AK4: variants seen among roughly 807,000 people sequenced by gnomAD.
AK4 encodes adenylate kinase 4, mitochondrial.
AK4 carries 13 observed loss-of-function variants against 24.6 expected under a neutral mutation model. That is an observed-to-expected ratio of 0.53 (90% CI 0.34 to 0.84). The LOEUF (loss-of-function observed/expected upper bound fraction) is 0.84. Among genes scored for constraint, AK4 ranks in the 40% least tolerant of loss-of-function variants. AK4 has a pLI of 0.01. For missense variants in AK4, 192 were observed against 288.2 expected, an observed-to-expected ratio of 0.67 and a Z score of 2.42; for synonymous variants, 88 against 107.0, an observed-to-expected ratio of 0.82 and a Z score of 1.10.
chr1:65,161,072 G>A lies in AK4; in HGVS notation c.145+12520G>A, dbSNP rs553498216. 1.4e-4 allele frequency among the ~76,000 whole-genome samples: 22 copies of A among 152,100 alleles called. No individual in the cohort carries two copies. In the South Asian group the frequency reaches 4.2e-3, roughly 29 times the overall value. Reference sequence around the variant, plus strand: ...GGTAGGATAGAGGGATGTACTTTTTGTTGTTGTTGTTCTGTCCCTAAAACA... The same window carrying A: ...GGTAGGATAGAGGGATGTACTTTTTATTGTTGTTGTTCTGTCCCTAAAACA... On this transcript the variant is annotated intron_variant, in intron 1 of 4. Coordinates refer to ENST00000327299, the MANE Select transcript of AK4 (RefSeq NM_013410.4).
intron 2 of AK4, among the ~76,000 whole-genome samples, chr1:65,212,292 T>C (rs891339327): frequency 6.6e-6 from 1 of 152,098 alleles, no homozygotes; most frequent in Admixed American, 6.5e-5. Flanking sequence ...CAGGGTAACA[T>C]TTTAGGATTC....
At chr1:65,190,449 TG>T (rs368147679) in intron 1 of AK4, among the ~76,000 whole-genome samples, 7,449 of 52,558 alleles carry the variant, frequency 0.14, 331 homozygotes, top group African/African-American at 0.24. Flanking sequence ...TTCCTTTTTT[TG>T]GGGGGGGGGC....
intron 1 of AK4, among the ~76,000 whole-genome samples, chr1:65,186,629 G>C (rs1310287855): frequency 6.6e-6 from 1 of 152,116 alleles, no homozygotes; most frequent in Non-Finnish European, 1.5e-5. Context: ...TACACATTTT[G>C]GTCTTTCACC....
At chr1:65,154,346 A>ACT (rs1649900889) in intron 1 of AK4, 20 of 339,996 alleles carry the variant, frequency 5.9e-5, no homozygotes, top group South Asian at 4.5e-4. Context: ...GGTTGAATGA[A>ACT]CTAGAATGTG....
chr1:65,212,302 CT>C (rs1233768121), intron 2 of AK4, among the ~76,000 whole-genome samples: 236 of 144,070 alleles, frequency 1.6e-3, no homozygotes, highest in Non-Finnish European at 1.5e-3. Context: ...TTTTAGGATT[CT>C]TTTTTTTTTT....
At chr1:65,182,404 C>T (rs1422359746) in intron 1 of AK4, among the ~76,000 whole-genome samples, 1 of 152,168 alleles carries the variant, frequency 6.6e-6, no homozygotes, top group Non-Finnish European at 1.5e-5. Context: ...TCATAGGTTA[C>T]TGCACAGCTG....
intron 2 of AK4, among the ~76,000 whole-genome samples, chr1:65,217,792 A>G (rs1652175162): frequency 6.6e-6 from 1 of 152,254 alleles, no homozygotes; most frequent in South Asian, 2.1e-4. Flanking sequence ...TAGGAAGAAT[A>G]AGTTTTGCAT....
chr1:65,150,359 A>G (rs1649730820), intron 1 of AK4, among the ~76,000 whole-genome samples: 1 of 149,424 alleles, frequency 6.7e-6, no homozygotes, highest in South Asian at 2.1e-4. Context: ...TTTCCTCCCC[A>G]GTGATCCTCC....
At chr1:65,179,609 C>T (rs1267230293) in intron 1 of AK4, among the ~76,000 whole-genome samples, 1 of 151,938 alleles carries the variant, frequency 6.6e-6, no homozygotes. Context: ...GAGGCCCGGG[C>T]AGGAGGATCC....
intron 1 of AK4, among the ~76,000 whole-genome samples, chr1:65,189,577 T>C (rs1315100715): frequency 6.6e-6 from 1 of 152,020 alleles, no homozygotes; most frequent in Non-Finnish European, 1.5e-5. Context: ...TGCGCCCAGC[T>C]GAGAATGTGA....
chr1:65,162,659 G>A (rs1338718218), intron 1 of AK4, among the ~76,000 whole-genome samples: 1 of 151,820 alleles, frequency 6.6e-6, no homozygotes, highest in South Asian at 2.1e-4. Context: ...CGGCTAACAC[G>A]GTGAAACACC....
rs563790195 is a variant in AK4 at position 65,221,525 on chromosome 1, C to T, written c.438+2599C>T. 9.2e-5 allele frequency among the ~76,000 whole-genome samples: 14 copies of T among 152,166 alleles called. No homozygotes were observed. In the South Asian group the frequency reaches 1.7e-3, roughly 18 times the overall value. On this transcript the variant is annotated intron_variant, in intron 3 of 4. Transcript: ENST00000327299. ...TTGTGCCACTGCACTTCAGCCTGGG[C>T]GACAGAGTAAGACCTGGCCTCCCTC...
intron 1 of AK4, among the ~76,000 whole-genome samples, chr1:65,183,504 C>G (rs543716041): frequency 1.4e-4 from 21 of 152,282 alleles, no homozygotes; most frequent in Non-Finnish European, 2.4e-4. Flanking sequence ...CTTGGCCTCC[C>G]AAAGCGCTGG....
At chr1:65,168,736 C>T (rs141495088) in intron 1 of AK4, among the ~76,000 whole-genome samples, 2,153 of 152,304 alleles carry the variant, frequency 0.014, 57 homozygotes, top group African/African-American at 0.05. Context: ...CGTTTCAGAA[C>T]GTACCAGCTA....
At chr1:65,174,822 A>G (rs992525811) in intron 1 of AK4, among the ~76,000 whole-genome samples, 11 of 152,222 alleles carry the variant, frequency 7.2e-5, no homozygotes. Context: ...TCAACCACAA[A>G]CCAAGAATAA....
intron 2 of AK4, among the ~76,000 whole-genome samples, chr1:65,197,048 A>G (rs927409617): frequency 6.6e-6 from 1 of 152,144 alleles, no homozygotes; most frequent in Non-Finnish European, 1.5e-5. Context: ...ACAGCACGGA[A>G]AAGACCAGCC....
intron 1 of AK4, among the ~76,000 whole-genome samples, chr1:65,150,101 T>C (rs1175555605): frequency 6.6e-6 from 1 of 152,136 alleles, no homozygotes; most frequent in Non-Finnish European, 1.5e-5. Flanking sequence ...CTCTGTACCT[T>C]ACTTGGTGAC....
At chr1:65,191,346 A>C (rs1651298973) in intron 2 of AK4, among the ~76,000 whole-genome samples, 1 of 152,194 alleles carries the variant, frequency 6.6e-6, no homozygotes, top group Admixed American at 6.6e-5. Context: ...CTAAAGATGC[A>C]AGGAGGTTTA....
chr1:65,157,953 C>T (rs1288156373), intron 1 of AK4, among the ~76,000 whole-genome samples: 6 of 152,164 alleles, frequency 3.9e-5, no homozygotes, highest in Non-Finnish European at 8.8e-5. Context: ...ATGGCATGGT[C>T]ATTGTCACAG....
Sources: allele counts gnomAD v4.1 joint callset (sites outside exome capture counted in the v4.1 genomes callset), GRCh38; gene constraint gnomAD v4.1.1; transcripts MANE v1.5; gene names NCBI Gene and HGNC (gene_info 2026-07-23, HGNC 2026-07-21).